TENM2: variants seen among roughly 807,000 people sequenced by gnomAD.
The protein encoded by TENM2 is teneurin transmembrane protein 2, also known as teneurin-2.
A neutral mutation model predicts 245.2 loss-of-function variants in TENM2; 52 were observed. That is an observed-to-expected ratio of 0.21 (90% CI 0.17 to 0.27). TENM2 has a LOEUF of 0.27. TENM2 is among the 10% of genes least tolerant of loss of function. The pLI is 1.00. For missense variants in TENM2, 3,046 were observed against 3,666.8 expected, an observed-to-expected ratio of 0.83 and a Z score of 4.37; for synonymous variants, 1,363 against 1,438.9, an observed-to-expected ratio of 0.95 and a Z score of 1.19.
intron 25 of TENM2, among the ~76,000 whole-genome samples, chr5:168,230,219 T>TCAA (rs1764725766): frequency 6.6e-6 from 1 of 152,234 alleles, no homozygotes; most frequent in African/African-American, 2.4e-5. Context: ...TATCAACACC[T>TCAA]CAACATTTAA....
intron 2 of TENM2, among the ~76,000 whole-genome samples, chr5:167,467,399 C>T (rs532560304): frequency 2.8e-4 from 42 of 151,900 alleles, no homozygotes; most frequent in South Asian, 6.2e-4. Context: ...ATAAATTACC[C>T]AGTCTCAGGT....
intron 2 of TENM2, among the ~76,000 whole-genome samples, chr5:167,772,691 T>C (rs1252915419): frequency 1.3e-5 from 2 of 152,126 alleles, no homozygotes; most frequent in Non-Finnish European, 2.9e-5. Context: ...ATATAGATTG[T>C]CACCATGCCA....
At chr5:168,222,847 G>T (rs1326363234) in intron 23 of TENM2, among the ~76,000 whole-genome samples, 1 of 152,196 alleles carries the variant, frequency 6.6e-6, no homozygotes, top group Non-Finnish European at 1.5e-5. Context: ...ATGAGTGCAA[G>T]AATTTTGCTC....
chr5:167,839,910 C>T (rs563248730), intron 2 of TENM2, among the ~76,000 whole-genome samples: 13 of 152,296 alleles, frequency 8.5e-5, no homozygotes, highest in South Asian at 2.1e-4. Flanking sequence ...CTCCGCCTCC[C>T]GGGTTCAAGC....
chr5:167,146,625 G>A, the TENM2 span, among the ~76,000 whole-genome samples: 1 of 152,172 alleles, frequency 6.6e-6, no homozygotes, highest in Non-Finnish European at 1.5e-5. Context: ...AGATGATGGA[G>A]AAATAAATAT....
At chr5:167,449,294 A>C (rs1438515405) in intron 2 of TENM2, among the ~76,000 whole-genome samples, 3 of 152,220 alleles carry the variant, frequency 2.0e-5, no homozygotes, top group African/African-American at 7.2e-5. Flanking sequence ...CAGCCTGGTC[A>C]CTGAAGAGGT....
At chr5:167,784,626 G>A (rs1408335418) in intron 2 of TENM2, among the ~76,000 whole-genome samples, 1 of 152,128 alleles carries the variant, frequency 6.6e-6, no homozygotes, top group African/African-American at 2.4e-5. Flanking sequence ...AGGATAATGA[G>A]TTATGTGACT....
At chr5:166,997,064 C>T in the TENM2 span, among the ~76,000 whole-genome samples, 2 of 152,134 alleles carry the variant, frequency 1.3e-5, no homozygotes, top group Non-Finnish European at 1.5e-5. Context: ...AAACCAGATT[C>T]ACTTATAGAC....
intron 3 of TENM2, among the ~76,000 whole-genome samples, chr5:167,903,812 A>G (rs1189173896): frequency 6.6e-6 from 1 of 152,210 alleles, no homozygotes; most frequent in African/African-American, 2.4e-5. Context: ...GGGAAAGCAC[A>G]TCAATGTTGG....
At chr5:167,553,735 C>T (rs1433071704) in intron 2 of TENM2, among the ~76,000 whole-genome samples, 2 of 152,166 alleles carry the variant, frequency 1.3e-5, no homozygotes, top group Admixed American at 1.3e-4. Flanking sequence ...TCCATTTAGA[C>T]TATTCAGCTT....
chr5:167,888,623 A>T (rs1482532682), intron 3 of TENM2, among the ~76,000 whole-genome samples: 1 of 152,202 alleles, frequency 6.6e-6, no homozygotes, highest in African/African-American at 2.4e-5. Context: ...AGAGAAAACC[A>T]ATGTAGTTAA....
chr5:168,171,888 G>A (rs916102081), intron 13 of TENM2, among the ~76,000 whole-genome samples: 2 of 152,230 alleles, frequency 1.3e-5, no homozygotes, highest in Admixed American at 6.5e-5. Context: ...CTGTATTTGT[G>A]CTTTGGCCAG....
At chr5:168,190,215 C>G (rs1404895749) in intron 13 of TENM2, 122 bp from the exon 16 acceptor site, 2 of 670,972 alleles carry the variant, frequency 3.0e-6, no homozygotes, top group Non-Finnish European at 5.1e-6. Flanking sequence ...AAACCTGCCA[C>G]CTCAGGCCCT....
chr5:168,093,658 AG>A (rs1381907769), intron 8 of TENM2, among the ~76,000 whole-genome samples: 2 of 152,232 alleles, frequency 1.3e-5, no homozygotes, highest in African/African-American at 4.8e-5. Context: ...GAGACAACAG[AG>A]CAGCTTTCTG....
chr5:167,599,352 AT>A (rs200659541), intron 2 of TENM2, among the ~76,000 whole-genome samples: 12 of 150,224 alleles, frequency 8.0e-5, no homozygotes, highest in African/African-American at 1.2e-4. Context: ...ATTTTAATTG[AT>A]TTTTTTTTTA....
intron 25 of TENM2, among the ~76,000 whole-genome samples, chr5:168,235,157 C>G (rs1230159792): frequency 1.3e-5 from 2 of 152,184 alleles, no homozygotes; most frequent in Non-Finnish European, 2.9e-5. Flanking sequence ...ACAGCTCCTT[C>G]CTGCCACAAT....
intron 2 of TENM2, among the ~76,000 whole-genome samples, chr5:167,613,386 A>T (rs978759993): frequency 1.3e-5 from 2 of 152,180 alleles, no homozygotes; most frequent in Admixed American, 6.5e-5. Flanking sequence ...ATGCTGTGAG[A>T]TGTATATTAC....
intron 2 of TENM2, among the ~76,000 whole-genome samples, chr5:167,867,284 A>G (rs1033789979): frequency 6.6e-6 from 1 of 152,238 alleles, no homozygotes; most frequent in African/African-American, 2.4e-5. Flanking sequence ...CTCTCCATCT[A>G]TAGCCTCATC....
chr5:168,136,972 G>A (rs1427784044), intron 12 of TENM2, among the ~76,000 whole-genome samples: 2 of 152,204 alleles, frequency 1.3e-5, no homozygotes, highest in African/African-American at 4.8e-5. Context: ...AGAGGGGACT[G>A]CTTACATATC....
Sources: allele counts gnomAD v4.1 joint callset (sites outside exome capture counted in the v4.1 genomes callset), GRCh38; gene constraint gnomAD v4.1.1; transcripts MANE v1.5; gene names NCBI Gene and HGNC (gene_info 2026-07-23, HGNC 2026-07-21).